PTPRD: variants seen among roughly 807,000 people sequenced by gnomAD.
The protein encoded by PTPRD is protein tyrosine phosphatase receptor type D, also known as receptor-type tyrosine-protein phosphatase delta.
In PTPRD, 34 loss-of-function variants were observed where a neutral mutation model predicts 214.5. The ratio of observed to expected loss-of-function variants is 0.16; its 90% confidence interval spans 0.12 to 0.21. The LOEUF is 0.21. PTPRD is among the 10% of genes least tolerant of loss of function. The probability of loss-of-function intolerance (pLI) is 1.00; values close to 1 mark genes in which losing one functional copy is unlikely to be tolerated. For missense variants in PTPRD, 2,545 were observed against 2,398.7 expected (o/e 1.06, Z -1.27); for synonymous variants, 1,128 against 845.7 (o/e 1.33, Z -5.79).
chr9:8,968,023 C>T (rs1300870304), intron 11 of PTPRD, among the ~76,000 whole-genome samples: 3 of 151,682 alleles, frequency 2.0e-5, no homozygotes, highest in Non-Finnish European at 2.9e-5. Context: ...TTTTTCCCTG[C>T]GATAGTTTGC....
intron 11 of PTPRD, among the ~76,000 whole-genome samples, chr9:8,747,336 C>T (rs2092936918): frequency 6.6e-6 from 1 of 152,064 alleles, no homozygotes; most frequent in Non-Finnish European, 1.5e-5. Context: ...TTACCTAGTC[C>T]TCCATTCCCA....
chr9:8,346,451 G>A (rs545767166), intron 39 of PTPRD, among the ~76,000 whole-genome samples: 22 of 152,116 alleles, frequency 1.4e-4, no homozygotes, highest in South Asian at 1.0e-3. Context: ...GGTTAACCAC[G>A]GTCTGAAAAT....
chr9:9,315,468 G>A (rs1378798531), intron 9 of PTPRD, among the ~76,000 whole-genome samples: 3 of 151,888 alleles, frequency 2.0e-5, no homozygotes, highest in Non-Finnish European at 2.9e-5. Context: ...TTAAGAGCCT[G>A]CCCATCCAAT....
chr9:10,320,877 G>A (rs760411092), intron 3 of PTPRD, among the ~76,000 whole-genome samples: 2 of 151,934 alleles, frequency 1.3e-5, no homozygotes. Context: ...ACAAATGTGT[G>A]CAACAATGCC....
At chr9:8,387,738 C>T (rs2087708514) in intron 37 of PTPRD, among the ~76,000 whole-genome samples, 2 of 152,094 alleles carry the variant, frequency 1.3e-5, no homozygotes, top group African/African-American at 4.8e-5. Context: ...GTTCTGGGCC[C>T]CAGTATACTC....
At chr9:8,626,900 C>T (rs745446268) in intron 14 of PTPRD, among the ~76,000 whole-genome samples, 2 of 151,658 alleles carry the variant, frequency 1.3e-5, no homozygotes, top group Non-Finnish European at 2.9e-5. Flanking sequence ...AAATAAGGCT[C>T]TTCCTATATA....
At chr9:8,553,281 AAC>A (rs1193068396) in intron 14 of PTPRD, among the ~76,000 whole-genome samples, 2 of 152,190 alleles carry the variant, frequency 1.3e-5, no homozygotes, top group East Asian at 1.9e-4. Context: ...AAAAAAGGAA[AAC>A]ACAGAGTAGA....
Position 8,324,549 on chromosome 9 carries a change from C to T in PTPRD, c.5535-4583G>A, listed in dbSNP as rs541692485. 8.5e-5 allele frequency among the ~76,000 whole-genome samples: 13 copies of T among 152,160 alleles called. 1 individual carries two copies. Among genetic ancestry groups the T allele is most frequent in the Admixed American group, 8.5e-4 (13 of 15,268 alleles). ...AAGTCTTTGCTATTGTGAATAGTGC[C>T]ACAATAAACATATGTGTGCATGTGT... On this transcript the variant is annotated intron_variant, in intron 44 of 45. Transcript: ENST00000381196.
chr9:9,204,563 A>G (rs142356132), intron 9 of PTPRD, among the ~76,000 whole-genome samples: 51 of 152,280 alleles, frequency 3.3e-4, no homozygotes, highest in African/African-American at 1.2e-3. Context: ...AGAGTACTCT[A>G]TATAACTCTG....
chr9:10,393,491 T>A (rs1423928164), intron 2 of PTPRD, among the ~76,000 whole-genome samples: 1 of 151,434 alleles, frequency 6.6e-6, no homozygotes, highest in Admixed American at 6.6e-5. Context: ...GAGAAATGTA[T>A]AAAATAGAAA....
At chr9:8,322,875 T>C (rs1044812256) in intron 44 of PTPRD, among the ~76,000 whole-genome samples, 39 of 152,196 alleles carry the variant, frequency 2.6e-4, no homozygotes, top group African/African-American at 8.4e-4. Flanking sequence ...TAGGGGCTCA[T>C]GCAGCTGGTG....
chr9:10,053,249 G>T (rs2097565695), intron 3 of PTPRD, among the ~76,000 whole-genome samples: 1 of 152,106 alleles, frequency 6.6e-6, no homozygotes. Flanking sequence ...ATTGAAAGCT[G>T]TTTGAAGTTT....
At chr9:8,530,125 T>C (rs2075304334) in intron 14 of PTPRD, among the ~76,000 whole-genome samples, 3 of 152,104 alleles carry the variant, frequency 2.0e-5, no homozygotes, top group South Asian at 4.1e-4. Flanking sequence ...TGGTGAATCA[T>C]ACTGAGGTTA....
chr9:8,550,559 G>A (rs748112255), intron 14 of PTPRD, among the ~76,000 whole-genome samples: 20 of 152,254 alleles, frequency 1.3e-4, no homozygotes, highest in Non-Finnish European at 2.8e-4. Context: ...AAACAGATAC[G>A]TATGTGCTTA....
intron 2 of PTPRD, among the ~76,000 whole-genome samples, chr9:10,492,218 G>A (rs146953569): frequency 6.6e-6 from 1 of 151,942 alleles, no homozygotes; most frequent in Admixed American, 6.6e-5. Context: ...AATCTTTTGG[G>A]TATATACCCA....
intron 2 of PTPRD, among the ~76,000 whole-genome samples, chr9:10,346,019 A>AGTT (rs2097073621): frequency 6.6e-6 from 1 of 152,186 alleles, no homozygotes; most frequent in African/African-American, 2.4e-5. Context: ...ACCAATATCA[A>AGTT]TCATTTAACC....
chr9:8,969,227 G>T (rs922771698), intron 11 of PTPRD, among the ~76,000 whole-genome samples: 1 of 151,980 alleles, frequency 6.6e-6, no homozygotes, highest in African/African-American at 2.4e-5. Context: ...GCCGAATCGT[G>T]CCAAGTGTTG....
chr9:9,212,517 T>A (rs554917159), intron 9 of PTPRD, among the ~76,000 whole-genome samples: 1 of 152,156 alleles, frequency 6.6e-6, no homozygotes, highest in Non-Finnish European at 1.5e-5. Context: ...GTCAAATCCA[T>A]TGAGCAGCCA....
intron 2 of PTPRD, among the ~76,000 whole-genome samples, chr9:10,604,223 G>C (rs374797472): frequency 1.3e-5 from 2 of 151,682 alleles, no homozygotes; most frequent in Admixed American, 6.6e-5. Flanking sequence ...GTATTCAGCA[G>C]CATTTGATTC....
Sources: gnomAD v4.1 joint callset for allele counts (sites outside exome capture counted in the v4.1 genomes callset) on GRCh38, gnomAD v4.1.1 for gene constraint, MANE v1.5 for transcripts, NCBI Gene and HGNC (gene_info 2026-07-23, HGNC 2026-07-21) for gene names.